Variants in PFKFB1 observed in about 807,000 individuals in gnomAD.
PFKFB1 encodes 6-phosphofructo-2-kinase/fructose-2,6-bisphosphatase 1.
A neutral mutation model predicts 46.4 loss-of-function variants in PFKFB1; 34 were observed. The observed-to-expected ratio is 0.73, with a 90% CI of 0.56 to 0.98. The LOEUF (loss-of-function observed/expected upper bound fraction) is 0.98, where lower values mean the gene tolerates loss of function less well. Ranked by LOEUF, PFKFB1 falls within the 50% of genes least tolerant of loss-of-function variation. The pLI is 0.00. For missense variants in PFKFB1, 393 were observed against 376.3 expected, an observed-to-expected ratio of 1.04 and a Z score of -0.37; for synonymous variants, 119 against 133.8, an observed-to-expected ratio of 0.89 and a Z score of 0.76.
chrX:54,935,144 C>G, intron 11 of PFKFB1, 135 bp from the exon 12 acceptor site: 1 of 512,133 alleles, frequency 2.0e-6, no homozygotes, highest in Non-Finnish European at 3.5e-6. Flanking sequence ...GGGCCCACTC[C>G]CCACACCCTG....
At chrX:54,991,045 C>T (rs1277000332) in intron 1 of PFKFB1, among the ~76,000 whole-genome samples, 1 of 111,365 alleles carries the variant, frequency 9.0e-6, no homozygotes, top group Non-Finnish European at 1.9e-5. Flanking sequence ...ATTAACATTT[C>T]TTTTCAACGT....
At chrX:54,935,143 C>G (rs1030590145) in intron 11 of PFKFB1, 134 bp from the exon 12 acceptor site, 14 of 509,552 alleles carry the variant, frequency 2.7e-5, no homozygotes, top group Non-Finnish European at 4.9e-5. Flanking sequence ...GGGGCCCACT[C>G]CCCACACCCT....
chrX:54,941,583 G>T (rs774892167), intron 10 of PFKFB1, among the ~76,000 whole-genome samples: 19 of 111,906 alleles, frequency 1.7e-4, no homozygotes, highest in Non-Finnish European at 2.6e-4. Flanking sequence ...GTGGGTGAAG[G>T]ATATGAATAG....
chrX:54,958,759 G>A (rs775031041), intron 5 of PFKFB1, 92 bp downstream of exon 5: 24 of 560,632 alleles, frequency 4.3e-5, no homozygotes, highest in African/African-American at 2.3e-4. Context: ...TTATGGTTGC[G>A]GATTTGGCCG....
chrX:54,993,090 C>A (rs1466357687), intron 1 of PFKFB1, among the ~76,000 whole-genome samples: 1 of 112,018 alleles, frequency 8.9e-6, no homozygotes, highest in Non-Finnish European at 1.9e-5. Flanking sequence ...TCCACAGCTG[C>A]CTTATCTTAA....
chrX:54,972,424 A>C, intron 1 of PFKFB1, among the ~76,000 whole-genome samples: 1 of 109,896 alleles, frequency 9.1e-6, no homozygotes, highest in Non-Finnish European at 1.9e-5. Context: ...GCCAGTTTTC[A>C]AAGGGAATGC....
At chrX:54,949,424 CAGAGAG>C (rs3028350) in intron 8 of PFKFB1, among the ~76,000 whole-genome samples, 563 of 93,860 alleles carry the variant, frequency 6.0e-3, no homozygotes, top group African/African-American at 9.3e-3. Context: ...AAGAGCATGA[CAGAGAG>C]AGAGAGAGAG....
Position 54,945,503 on chromosome X carries a change from T to C in PFKFB1, c.1034A>G (p.His345Arg). ...TCGCAGTGCAAATTCTTCAGGGTAA[T>C]GTTCCTGGATTTCTTCATAGGTCAT... ...EEMTYEEIQE[H>R]YPEEFALRDQ... is the part of the protein sequence containing the mutation. The change falls in exon 10 of 14, where the codon CAT becomes CGT. Residue 345 changes from histidine to arginine, a missense_variant. Coordinates refer to ENST00000375006, the MANE Select transcript of PFKFB1 (RefSeq NM_002625.4). 8.3e-7 allele frequency: 1 copy of C among 1,200,552 alleles called. No individual in the cohort carries two copies.
intron 9 of PFKFB1, among the ~76,000 whole-genome samples, chrX:54,947,263 T>G (rs1051229211): frequency 2.7e-5 from 3 of 111,798 alleles, no homozygotes; most frequent in Non-Finnish European, 3.8e-5. Flanking sequence ...CCCATAGTCT[T>G]ACCTATCAGA....
chrX:54,936,172 C>A (rs1933383159), intron 11 of PFKFB1, among the ~76,000 whole-genome samples: 2 of 111,197 alleles, frequency 1.8e-5, no homozygotes, highest in Non-Finnish European at 3.8e-5. Flanking sequence ...TGCCTGAGAT[C>A]TCTGACCCAG....
chrX:54,956,377 A>G, intron 6 of PFKFB1, 103 bp from the exon 7 acceptor site: 1 of 960,504 alleles, frequency 1.0e-6, no homozygotes, highest in South Asian at 2.3e-5. Context: ...GCCTCATTAT[A>G]AAGATGAGGA....
intron 1 of PFKFB1, among the ~76,000 whole-genome samples, chrX:54,972,698 A>G (rs1278244655): frequency 9.0e-6 from 1 of 111,672 alleles, no homozygotes; most frequent in Non-Finnish European, 1.9e-5. Context: ...CCACTTGAGC[A>G]TGGTGGATAA....
rs763425189 is a variant in PFKFB1, at chrX:54,945,497, G to A, written c.1040C>T (p.Pro347Leu). 1.7e-6 allele frequency: 2 copies of A among 1,203,156 alleles called. No homozygotes were observed. Among genetic ancestry groups the A allele is most frequent in the Non-Finnish European group, 2.3e-6 (2 of 888,473 alleles). Residue 347 changes from proline (P) to leucine (L), a missense_variant, in exon 10 of 14, where the codon CCT becomes CTT. Coordinates refer to ENST00000375006, the MANE Select transcript of PFKFB1 (RefSeq NM_002625.4). ...MTYEEIQEHY[P>L]EEFALRDQDK... is the part of the protein sequence containing the mutation. ...TTGGTCTCGCAGTGCAAATTCTTCA[G>A]GGTAATGTTCCTGGATTTCTTCATA... is the stretch of plus-strand genomic sequence containing the variant.
intron 10 of PFKFB1, among the ~76,000 whole-genome samples, chrX:54,944,403 T>C (rs1007242403): frequency 5.0e-4 from 56 of 111,526 alleles, no homozygotes; most frequent in African/African-American, 1.8e-3. Flanking sequence ...AAAGTAAATA[T>C]ACCAAACTTA....
Position 54,945,482 on chromosome X carries a change from A to G in PFKFB1, c.1055T>C (p.Leu352Pro), listed in dbSNP as rs1357568698. Residue 352 changes from leucine (L) to proline (P), a missense_variant, in exon 10 of 14, where the codon CTG becomes CCG. Coordinates refer to ENST00000375006, the MANE Select transcript of PFKFB1 (RefSeq NM_002625.4). ...GTAGCGATATTTATCTTGGTCTCGC[A>G]GTGCAAATTCTTCAGGGTAATGTTC... ...IQEHYPEEFA[L>P]RDQDKYRYRY... 3.3e-6 allele frequency: 4 copies of G among 1,204,195 alleles called. No homozygotes were observed. The Admixed American group carries it at 8.7e-5, about 26-fold the overall frequency.
intron 9 of PFKFB1, 106 bp from the exon 10 acceptor site, chrX:54,945,649 G>C: frequency 1.9e-6 from 1 of 527,448 alleles, no homozygotes; most frequent in Non-Finnish European, 3.1e-6. Context: ...GAGCACCTGG[G>C]TCTCTGTGAA....
chrX:54,986,933 A>G (rs1448025037), intron 1 of PFKFB1, among the ~76,000 whole-genome samples: 1 of 111,193 alleles, frequency 9.0e-6, no homozygotes, highest in Non-Finnish European at 1.9e-5. Flanking sequence ...GAAGGATATA[A>G]TAAGGATTAG....
chrX:54,958,133 G>A (rs1477859213), intron 6 of PFKFB1, among the ~76,000 whole-genome samples, 173 bp downstream of exon 6: 1 of 111,663 alleles, frequency 9.0e-6, no homozygotes, highest in Non-Finnish European at 1.9e-5. Context: ...AATTAATAGA[G>A]TCATTGTAAG....
rs770701431 is a variant in PFKFB1 at position 54,933,137 on chromosome X, T to A, written c.*266A>T. On this transcript the variant is annotated 3_prime_UTR_variant, in exon 14 of 14. Transcript: ENST00000375006. ...TACCTTGAGAACAACTGGAAAAGCC[T>A]CGCCATGACCTCCTCCTCTCCTCTT... 132 of 369,204 alleles carry A rather than the reference T, an allele frequency of 3.6e-4. No individual in the cohort carries two copies. The highest frequency in any genetic ancestry group is 9.8e-4 in the Admixed American group (21 of 21,479). The allele number at this position is 369,204 out of a possible 1,213,427, so 30.4% of individuals were successfully genotyped here.
Sources: allele counts gnomAD v4.1 joint callset (sites outside exome capture counted in the v4.1 genomes callset), GRCh38; gene constraint gnomAD v4.1.1; transcripts MANE v1.5; gene names NCBI Gene and HGNC (gene_info 2026-07-23, HGNC 2026-07-21).